DMD: variants seen among roughly 807,000 people sequenced by gnomAD.
The protein encoded by DMD is dystrophin.
Under a neutral mutation model 330.1 loss-of-function variants are expected in DMD, and 63 were observed. The observed-to-expected ratio is 0.19, with a 90% CI of 0.16 to 0.24. The LOEUF (loss-of-function observed/expected upper bound fraction) is 0.24, where lower values mean the gene tolerates loss of function less well. DMD is among the 10% of genes least tolerant of loss of function. The pLI is 1.00. For missense variants in DMD, 3,344 were observed against 2,684.1 expected (o/e 1.25, Z -5.43); for synonymous variants, 1,223 against 959.8 (o/e 1.27, Z -5.07).
chrX:31,307,733 G>A (rs979123591), intron 62 of DMD, among the ~76,000 whole-genome samples: 5 of 111,873 alleles, frequency 4.5e-5, no homozygotes, highest in African/African-American at 1.6e-4. Flanking sequence ...GCAAAAACTG[G>A]TTGAGTATAA....
intron 7 of DMD, among the ~76,000 whole-genome samples, chrX:32,788,695 T>C (rs1398856975): frequency 9.1e-6 from 1 of 110,040 alleles, no homozygotes; most frequent in Non-Finnish European, 1.9e-5. Context: ...AAATGGTAAA[T>C]AAATTCAACC....
intron 62 of DMD, among the ~76,000 whole-genome samples, chrX:31,316,362 A>C (rs1359381519): frequency 8.9e-6 from 1 of 112,409 alleles, no homozygotes; most frequent in Non-Finnish European, 1.9e-5. Context: ...AATTCATTCC[A>C]ATATTTACCA....
chrX:33,033,449 G>A (rs920720887), intron 1 of DMD, among the ~76,000 whole-genome samples: 1 of 107,693 alleles, frequency 9.3e-6, no homozygotes, highest in South Asian at 4.2e-4. Flanking sequence ...GGTGGCTCAC[G>A]CCTGTAATCC....
At chrX:32,954,489 CCA>C (rs1408493498) in intron 2 of DMD, among the ~76,000 whole-genome samples, 1 of 111,770 alleles carries the variant, frequency 8.9e-6, no homozygotes, top group Non-Finnish European at 1.9e-5. Flanking sequence ...TGTAAAATTC[CCA>C]TATATTCTCC....
intron 78 of DMD, among the ~76,000 whole-genome samples, chrX:31,123,045 A>AATAATTATT (rs59853351): frequency 9.0e-6 from 1 of 111,168 alleles, no homozygotes; most frequent in Non-Finnish European, 1.9e-5. Context: ...AGATTCCCAT[A>AATAATTATT]ATAATTGTTA....
chrX:33,091,330 G>T (rs1409411084), intron 1 of DMD, among the ~76,000 whole-genome samples: 1 of 111,231 alleles, frequency 9.0e-6, no homozygotes, highest in Non-Finnish European at 1.9e-5. Context: ...TGAAAGCAGG[G>T]ATACTTAACC....
chrX:32,533,577 T>C (rs766736452), intron 17 of DMD, among the ~76,000 whole-genome samples: 2 of 112,234 alleles, frequency 1.8e-5, no homozygotes, highest in Non-Finnish European at 3.8e-5. Context: ...TTAGTACTTC[T>C]TCATGACAGT....
chrX:32,633,144 T>C (rs1417453167), intron 11 of DMD, among the ~76,000 whole-genome samples: 1 of 111,970 alleles, frequency 8.9e-6, no homozygotes, highest in African/African-American at 3.2e-5. Context: ...AAATAATAAA[T>C]ATTCCATCTT....
At chrX:31,488,268 A>G (rs1390487467) in intron 57 of DMD, among the ~76,000 whole-genome samples, 1 of 112,101 alleles carries the variant, frequency 8.9e-6, no homozygotes, top group Admixed American at 9.5e-5. Flanking sequence ...CCATTTAGGG[A>G]ATTAGGTCTT....
At chrX:33,293,031 C>T (rs903273100) in intron 1 of DMD, among the ~76,000 whole-genome samples, 23 of 111,562 alleles carry the variant, frequency 2.1e-4, no homozygotes, top group African/African-American at 7.5e-4. Flanking sequence ...TCATAGTGGC[C>T]TTCCCTTTTC....
chrX:32,715,692 T>G (rs1603249159), intron 7 of DMD, among the ~76,000 whole-genome samples: 1 of 109,114 alleles, frequency 9.2e-6, no homozygotes, highest in African/African-American at 3.3e-5. Context: ...TCCCAGCTAC[T>G]TGGGAGGCTG....
intron 2 of DMD, among the ~76,000 whole-genome samples, chrX:32,914,082 C>A (rs748187634): frequency 1.8e-5 from 2 of 111,759 alleles, no homozygotes; most frequent in Non-Finnish European, 3.8e-5. Context: ...CAAACTAAGA[C>A]AAACTGTGAC....
chrX:32,781,879 C>T (rs1426259338), intron 7 of DMD, among the ~76,000 whole-genome samples: 1 of 111,151 alleles, frequency 9.0e-6, no homozygotes, highest in Non-Finnish European at 1.9e-5. Flanking sequence ...ACATAAATTA[C>T]ATGTTCACTC....
rs761845919 is a variant in DMD, at chrX:31,772,916, G to A, written c.7542+1044C>T. Among the ~76,000 whole-genome samples, 11 of 111,929 alleles carry A rather than the reference G, an allele frequency of 9.8e-5. No individual in the cohort carries two copies. In the South Asian group the frequency reaches 4.1e-3, roughly 42 times the overall value. On this transcript the variant is annotated intron_variant, in intron 51 of 78. Coordinates refer to ENST00000357033, the MANE Select transcript of DMD (RefSeq NM_004006.3). Reference sequence around the variant, plus strand: ...ATGCTCTGTACTCAGAATAGGAAACGAAGATCCAGAGATGGCTTGACCACA... The same window carrying A: ...ATGCTCTGTACTCAGAATAGGAAACAAAGATCCAGAGATGGCTTGACCACA...
chrX:32,742,931 GT>G (rs1223084645), intron 7 of DMD, among the ~76,000 whole-genome samples: 2 of 111,782 alleles, frequency 1.8e-5, no homozygotes, highest in Non-Finnish European at 3.8e-5. Context: ...GAGAGGATAA[GT>G]AAGTTGCCAG....
At chrX:32,488,610 C>G (rs758124218) in intron 20 of DMD, among the ~76,000 whole-genome samples, 6 of 111,496 alleles carry the variant, frequency 5.4e-5, no homozygotes, top group Non-Finnish European at 9.4e-5. Context: ...TAATAGACAC[C>G]AATGGGTCTG....
chrX:33,230,910 C>G (rs1352118107), intron 1 of DMD, among the ~76,000 whole-genome samples: 1 of 108,631 alleles, frequency 9.2e-6, no homozygotes, highest in Non-Finnish European at 1.9e-5. Flanking sequence ...AGTTAAGTAC[C>G]ATGAGAAAAT....
intron 13 of DMD, among the ~76,000 whole-genome samples, chrX:32,585,699 C>CACAAAAAAAAAAAAAAAAAAAAAA (rs2054189519): frequency 3.1e-5 from 1 of 31,919 alleles, no homozygotes; most frequent in Non-Finnish European, 5.6e-5. Flanking sequence ...GACTCCGTCT[C>CACAAAAAAAAAAAAAAAAAAAAAA]AAAAAAAAAA....
chrX:31,233,770 C>A (rs887342735), intron 63 of DMD, among the ~76,000 whole-genome samples: 12 of 111,989 alleles, frequency 1.1e-4, no homozygotes, highest in African/African-American at 3.6e-4. Context: ...TTTCTCTGCC[C>A]TTATCTCCCA....
Sources: gnomAD v4.1 joint callset for allele counts (sites outside exome capture counted in the v4.1 genomes callset) on GRCh38, gnomAD v4.1.1 for gene constraint, MANE v1.5 for transcripts, NCBI Gene and HGNC (gene_info 2026-07-23, HGNC 2026-07-21) for gene names.